The following LYG1 variants were observed in gnomAD, a reference collection of about 807,000 sequenced individuals.
LYG1 encodes the protein lysozyme g-like protein 1.
A neutral mutation model predicts 21.7 loss-of-function variants in LYG1; 17 were observed. That is an observed-to-expected ratio of 0.78 (90% confidence interval 0.54 to 1.18). The LOEUF (loss-of-function observed/expected upper bound fraction) is 1.18, where lower values mean the gene tolerates loss of function less well. LYG1 is among the 50% of genes most tolerant of loss of function. The pLI, the probability that LYG1 is intolerant of heterozygous loss-of-function variation, is 0.00. For synonymous variants in LYG1, 81 were observed against 87.4 expected (o/e 0.93, Z 0.41); for missense variants, 211 against 238.1 (o/e 0.89, Z 0.75).
intron 5 of LYG1, among the ~76,000 whole-genome samples, chr2:99,289,465 A>AAG (rs1382647296): frequency 6.6e-6 from 1 of 151,480 alleles, no homozygotes; most frequent in East Asian, 1.9e-4. Flanking sequence ...TAAAAAAAAA[A>AAG]AAAATCTGTT....
intron 3 of LYG1, among the ~76,000 whole-genome samples, chr2:99,293,048 G>C (rs569010281): frequency 7.6e-6 from 1 of 132,284 alleles, no homozygotes; most frequent in African/African-American, 2.8e-5. Flanking sequence ...CTGGAGTGCA[G>C]TGGCACGATC....
intron 5 of LYG1, among the ~76,000 whole-genome samples, chr2:99,287,437 A>C (rs145865929): frequency 1.4e-4 from 21 of 152,264 alleles, no homozygotes; most frequent in African/African-American, 5.1e-4. Context: ...CAGGCTTAAT[A>C]CCTGGGTGAT....
rs116747036 is a variant in LYG1, at chr2:99,285,581, C to T, written c.334-761G>A. Among the ~76,000 whole-genome samples the T allele has an allele frequency of 2.9e-3, 443 of 152,286 alleles. 2 individuals carry two copies. The highest frequency in any genetic ancestry group is 9.9e-3 in the African/African-American group (413 of 41,560). On this transcript the variant is annotated intron_variant, in intron 5 of 6. Transcript: ENST00000308528. ...TATGTGCTAGCATGCACAACAATAG[C>T]GCATGTGCATCCCGGAGACCCTGAA... is the stretch of plus-strand genomic sequence containing the variant.
At chr2:99,302,712 T>C (rs1006302675), upstream of LYG1, among the ~76,000 whole-genome samples, 4 of 152,102 alleles carry the variant, frequency 2.6e-5, no homozygotes, top group Non-Finnish European at 4.4e-5. Context: ...GTGCAGACAT[T>C]GAGGGTTAAG....
chr2:99,287,834 G>A (rs574661303), intron 5 of LYG1, among the ~76,000 whole-genome samples: 2 of 152,068 alleles, frequency 1.3e-5, no homozygotes, highest in African/African-American at 4.8e-5. Context: ...TTTAATAGAT[G>A]ATATATGATC....
upstream of LYG1, among the ~76,000 whole-genome samples, chr2:99,301,366 G>A (rs1350407905): frequency 6.7e-6 from 1 of 150,252 alleles, no homozygotes; most frequent in African/African-American, 2.5e-5. Context: ...TTCTGGGAAT[G>A]TGGGTTAGGT....
chr2:99,292,658 T>C lies in LYG1; in HGVS notation c.44-18A>G. ...AGACAAGTCTACAAGTTGAGAAAAG[T>C]TCAGCCTAAGGCATGGAACTAGTTC... On this transcript the variant is annotated intron_variant, in intron 3 of 6. Coordinates refer to ENST00000308528, the MANE Select transcript of LYG1 (RefSeq NM_174898.3). The C allele has an allele frequency of 6.4e-7, 1 of 1,569,786 alleles. No individual in the cohort carries two copies. The highest frequency in any genetic ancestry group is 8.8e-7 in the Non-Finnish European group (1 of 1,139,352).
chr2:99,289,140 G>A (rs570120206), intron 5 of LYG1, among the ~76,000 whole-genome samples: 5 of 152,160 alleles, frequency 3.3e-5, no homozygotes, highest in East Asian at 1.9e-4. Flanking sequence ...AATAAGCTTC[G>A]AGAGTCAGTA....
chr2:99,292,215 G>A (rs2094120983), intron 4 of LYG1, among the ~76,000 whole-genome samples: 1 of 152,164 alleles, frequency 6.6e-6, no homozygotes, highest in Non-Finnish European at 1.5e-5. Context: ...AACCGGGGAG[G>A]TGGAGGTTGC....
At chr2:99,287,584 T>G (rs2105290160) in intron 5 of LYG1, among the ~76,000 whole-genome samples, 1 of 152,288 alleles carries the variant, frequency 6.6e-6, no homozygotes, top group Admixed American at 6.5e-5. Flanking sequence ...AAATCTCCCT[T>G]AAAGCATTTT....
chr2:99,292,600 G>A lies in LYG1; in HGVS notation c.84C>T (p.Ile28=). 6.2e-7 allele frequency: 1 copy of A among 1,614,202 alleles called. No individual in the cohort carries two copies. Among genetic ancestry groups the A allele is most frequent in the South Asian group, 1.1e-5 (1 of 91,092 alleles). ...ESSNWGCYGN[I]QSLDTPGASC... is the part of the protein sequence containing the mutation. ...ATGCTCCAGGGGTGTCCAGGCTTTGGATGTTTCCATAGCATCCCCAGTTGC... is the reference window on the plus strand; with the variant it reads ...ATGCTCCAGGGGTGTCCAGGCTTTGAATGTTTCCATAGCATCCCCAGTTGC... Residue 28 remains isoleucine (I), a synonymous_variant, in exon 4 of 7, where the codon ATC becomes ATT. Coordinates refer to ENST00000308528, the MANE Select transcript of LYG1 (RefSeq NM_174898.3).
chr2:99,286,190 C>A (rs2094099172), intron 5 of LYG1, among the ~76,000 whole-genome samples: 1 of 152,242 alleles, frequency 6.6e-6, no homozygotes, highest in South Asian at 2.1e-4. Flanking sequence ...GTCCCCTTGA[C>A]CTTGGGGTCC....
chr2:99,287,539 G>A (rs2094104099), intron 5 of LYG1, among the ~76,000 whole-genome samples: 1 of 151,942 alleles, frequency 6.6e-6, no homozygotes, highest in Admixed American at 6.6e-5. Flanking sequence ...TGGAAAAAAG[G>A]CTTTCTTTTT....
chr2:99,291,223 G>C lies in LYG1; in HGVS notation c.333+14C>G. 1 of 1,610,944 alleles carries C rather than the reference G, an allele frequency of 6.2e-7. No homozygotes were observed. Among genetic ancestry groups the C allele is most frequent in the Non-Finnish European group, 8.5e-7 (1 of 1,178,002 alleles). On this transcript the variant is annotated intron_variant, in intron 5 of 6. Coordinates refer to ENST00000308528, the MANE Select transcript of LYG1 (RefSeq NM_174898.3). ...TAGCAGAATGGCCACATGTGTCAAC[G>C]GATGAAGAGTTACCTGCACCATGCT... is the stretch of plus-strand genomic sequence containing the variant.
At chr2:99,294,711 T>A (rs1307825505) in intron 3 of LYG1, among the ~76,000 whole-genome samples, 1 of 152,146 alleles carries the variant, frequency 6.6e-6, no homozygotes, top group Non-Finnish European at 1.5e-5. Flanking sequence ...AATGAATGGG[T>A]CAATAACTAA....
chr2:99,299,084 G>A lies in LYG1; in HGVS notation c.-123-535C>T, dbSNP rs147286263. ...GTAGCTGAGACTACAGGCACTCCACGCCCAGCTAATTTTTGTATTTTTAGT... is the reference window on the plus strand; with the variant it reads ...GTAGCTGAGACTACAGGCACTCCACACCCAGCTAATTTTTGTATTTTTAGT... On this transcript the variant is annotated intron_variant, in intron 1 of 6. Transcript: ENST00000308528. Among the ~76,000 whole-genome samples the A allele has an allele frequency of 4.0e-3, 599 of 151,254 alleles. 4 individuals are homozygous for A. The highest frequency in any genetic ancestry group is 0.014 in the African/African-American group (572 of 41,218).
In LYG1 at chr2:99,299,151, T is replaced by A. The variant is rs551325397; in HGVS notation, c.-123-602A>T. ...CATGTTGGCCAGGCTGGTTGAGAAC[T>A]CCTGACCTCAGGTGATCCACCCACC... On this transcript the variant is annotated intron_variant, in intron 1 of 6. Transcript: ENST00000308528. Among the ~76,000 whole-genome samples, 16 of 152,130 alleles carry A rather than the reference T, an allele frequency of 1.1e-4. No homozygotes were observed. In the East Asian group the frequency reaches 3.1e-3, roughly 29 times the overall value.
intron 5 of LYG1, among the ~76,000 whole-genome samples, chr2:99,288,239 ATT>A (rs2094107399): frequency 1.3e-5 from 2 of 152,026 alleles, no homozygotes; most frequent in Admixed American, 1.3e-4. Flanking sequence ...CATACCAAAT[ATT>A]TTTTCTTCTA....
At chr2:99,302,702 G>T (rs2105306739), upstream of LYG1, among the ~76,000 whole-genome samples, 1 of 152,248 alleles carries the variant, frequency 6.6e-6, no homozygotes, top group Non-Finnish European at 1.5e-5. Flanking sequence ...TGCATCCCCA[G>T]TGCAGACATT....
Sources: allele counts gnomAD v4.1 joint callset (sites outside exome capture counted in the v4.1 genomes callset), GRCh38; gene constraint gnomAD v4.1.1; transcripts MANE v1.5; gene names NCBI Gene and HGNC (gene_info 2026-07-23, HGNC 2026-07-21).